ATXN1: variants seen among roughly 807,000 people sequenced by gnomAD.
ATXN1 encodes ataxin 1.
ATXN1 carries 8 observed loss-of-function variants against 56.4 expected under a neutral mutation model. The ratio of observed to expected loss-of-function variants is 0.14; its 90% CI spans 0.08 to 0.26. The LOEUF (loss-of-function observed/expected upper bound fraction) is 0.26, where lower values mean the gene tolerates loss of function less well. Among genes scored for constraint, ATXN1 ranks in the 10% least tolerant of loss-of-function variants. The probability of loss-of-function intolerance (pLI) is 1.00; values close to 1 mark genes in which losing one functional copy is unlikely to be tolerated. For missense variants in ATXN1, 987 were observed against 1,106.5 expected (o/e 0.89, Z 1.53); for synonymous variants, 514 against 494.6 (o/e 1.04, Z -0.52).
At chr6:16,538,858 G>T (rs963219743) in intron 4 of ATXN1, among the ~76,000 whole-genome samples, 10 of 152,058 alleles carry the variant, frequency 6.6e-5, no homozygotes, top group African/African-American at 2.4e-4. Flanking sequence ...GCTAATTCTT[G>T]TTTTTTCAGT....
intron 6 of ATXN1, among the ~76,000 whole-genome samples, chr6:16,418,901 T>G (rs1414398699): frequency 6.6e-6 from 1 of 152,112 alleles, no homozygotes; most frequent in Non-Finnish European, 1.5e-5. Context: ...TCGCTTGATG[T>G]CATGGTCTGA....
intron 6 of ATXN1, among the ~76,000 whole-genome samples, chr6:16,335,358 C>G (rs536479866): frequency 2.0e-5 from 3 of 152,202 alleles, no homozygotes; most frequent in Non-Finnish European, 4.4e-5. Context: ...TGGGACCTGG[C>G]ACAACTTTGT....
chr6:16,647,998 C>T (rs1413363333), intron 3 of ATXN1, among the ~76,000 whole-genome samples: 1 of 152,152 alleles, frequency 6.6e-6, no homozygotes, highest in Non-Finnish European at 1.5e-5. Flanking sequence ...TCTCTTGAAC[C>T]CAGGAGGCGG....
At chr6:16,424,749 CAAA>C (rs1389599298) in intron 6 of ATXN1, among the ~76,000 whole-genome samples, 1 of 152,178 alleles carries the variant, frequency 6.6e-6, no homozygotes, top group Non-Finnish European at 1.5e-5. Context: ...AAGACAGAAA[CAAA>C]GAAGTGTTTC....
At chr6:16,621,310 C>T (rs1025763516) in intron 3 of ATXN1, among the ~76,000 whole-genome samples, 56 of 152,196 alleles carry the variant, frequency 3.7e-4, no homozygotes, top group Non-Finnish European at 6.8e-4. Context: ...ACGGCAAGGG[C>T]GTTAGCTGCA....
At chr6:16,573,322 C>CT (rs1762365373) in intron 4 of ATXN1, among the ~76,000 whole-genome samples, 1 of 152,166 alleles carries the variant, frequency 6.6e-6, no homozygotes. Context: ...CAGAAATCAT[C>CT]TTTGACTCCT....
intron 2 of ATXN1, among the ~76,000 whole-genome samples, chr6:16,695,127 C>A (rs1759136154): frequency 6.6e-6 from 1 of 152,152 alleles, no homozygotes; most frequent in South Asian, 2.1e-4. Context: ...TCTATGGAGA[C>A]TATGATGGGC....
intron 2 of ATXN1, among the ~76,000 whole-genome samples, chr6:16,677,540 A>G (rs1353151184): frequency 6.6e-6 from 1 of 152,232 alleles, no homozygotes; most frequent in Non-Finnish European, 1.5e-5. Flanking sequence ...ATGGGGATAC[A>G]AAACTTGTAT....
intron 3 of ATXN1, among the ~76,000 whole-genome samples, chr6:16,598,975 T>C (rs1208137552): frequency 2.6e-5 from 4 of 152,000 alleles, no homozygotes; most frequent in Non-Finnish European, 5.9e-5. Flanking sequence ...ACCTGCAAGG[T>C]AGTAGGAGCA....
intron 4 of ATXN1, among the ~76,000 whole-genome samples, chr6:16,523,607 T>G (rs1192524533): frequency 2.6e-5 from 4 of 152,220 alleles, no homozygotes; most frequent in Non-Finnish European, 5.9e-5. Flanking sequence ...ACCCCATTCC[T>G]GCACTTTGCT....
chr6:16,747,541 CAT>C (rs1391140617), intron 2 of ATXN1, among the ~76,000 whole-genome samples: 1 of 152,004 alleles, frequency 6.6e-6, no homozygotes, highest in Non-Finnish European at 1.5e-5. Flanking sequence ...AAATGCATCA[CAT>C]ATGATTACAG....
At chr6:16,515,433 A>G (rs926851394) in intron 5 of ATXN1, among the ~76,000 whole-genome samples, 1 of 151,962 alleles carries the variant, frequency 6.6e-6, no homozygotes, top group African/African-American at 2.4e-5. Context: ...CCACCCCCAA[A>G]CCACAAACCA....
intron 4 of ATXN1, among the ~76,000 whole-genome samples, chr6:16,560,378 G>A (rs376815020): frequency 1.5e-4 from 21 of 143,586 alleles, no homozygotes; most frequent in African/African-American, 4.9e-4. Context: ...GCAGTGCACC[G>A]AGATCACACC....
intron 3 of ATXN1, among the ~76,000 whole-genome samples, chr6:16,596,609 G>A (rs933338114): frequency 1.3e-5 from 2 of 152,156 alleles, no homozygotes; most frequent in Non-Finnish European, 2.9e-5. Flanking sequence ...TATCCTTTCA[G>A]GAGAAATACT....
intron 4 of ATXN1, among the ~76,000 whole-genome samples, chr6:16,560,965 A>G (rs1178126237): frequency 6.6e-6 from 1 of 152,230 alleles, no homozygotes; most frequent in East Asian, 1.9e-4. Context: ...TTCTTTGTTC[A>G]TAGGAGAACA....
intron 2 of ATXN1, among the ~76,000 whole-genome samples, chr6:16,683,249 C>T (rs1183564613): frequency 6.6e-6 from 1 of 152,184 alleles, no homozygotes; most frequent in Non-Finnish European, 1.5e-5. Context: ...CTTTCTTCAC[C>T]TTGGACTAGA....
chr6:16,659,671 A>T (rs1237420291), intron 2 of ATXN1, among the ~76,000 whole-genome samples: 4 of 152,206 alleles, frequency 2.6e-5, no homozygotes, highest in African/African-American at 9.6e-5. Context: ...ATGCTCATTG[A>T]CGCTTAATGG....
intron 6 of ATXN1, among the ~76,000 whole-genome samples, chr6:16,419,994 C>G (rs1422658232): frequency 1.3e-5 from 2 of 152,172 alleles, no homozygotes; most frequent in Non-Finnish European, 2.9e-5. Flanking sequence ...TGCACAGATA[C>G]AAAGACTGGG....
At position 16,444,240 on chromosome 6, in the gene ATXN1, CCTGGGGCCCAGTCTTTGGT is replaced by C; in HGVS notation, c.-161+41713_-161+41731del. 1.3e-5 allele frequency among the ~76,000 whole-genome samples: 2 copies of C among 152,176 alleles called. 1 individual carries two copies. Among genetic ancestry groups the C allele is most frequent in the East Asian group, 3.8e-4 (2 of 5,206 alleles). On this transcript the variant is annotated intron_variant, in intron 6 of 7. Transcript: ENST00000436367. ...TATTCAACCCAGTGAGAACAGTTCC[CCTGGGGCCCAGTCTTTGGT>C]CTCCAAATATCATTTCTCACTGAAA...
Sources: allele counts gnomAD v4.1 joint callset (sites outside exome capture counted in the v4.1 genomes callset), GRCh38; gene constraint gnomAD v4.1.1; transcripts MANE v1.5; gene names NCBI Gene and HGNC (gene_info 2026-07-23, HGNC 2026-07-21).